ARSF: variants seen among roughly 807,000 people sequenced by gnomAD.
ARSF encodes arylsulfatase F.
In ARSF, 33 loss-of-function variants were observed where a neutral mutation model predicts 35.4. The observed-to-expected ratio is 0.93, with a 90% confidence interval of 0.71 to 1.25. The LOEUF is 1.25. ARSF is among the 50% of genes most tolerant of loss of function. ARSF has a pLI of 0.00. For missense variants in ARSF, 501 were observed against 480.2 expected, an observed-to-expected ratio of 1.04 and a Z score of -0.40; for synonymous variants, 222 against 193.1, an observed-to-expected ratio of 1.15 and a Z score of -1.24.
At chrX:3,068,907 C>T (rs73439680) in intron 2 of ARSF, among the ~76,000 whole-genome samples, 1 of 112,274 alleles carries the variant, frequency 8.9e-6, no homozygotes, top group Admixed American at 9.5e-5. Context: ...AAAAATTGTA[C>T]TCTTCTGTGG....
At chrX:3,107,137 A>G (rs1018829646) in intron 9 of ARSF, among the ~76,000 whole-genome samples, 17 of 112,200 alleles carry the variant, frequency 1.5e-4, no homozygotes, top group Admixed American at 1.4e-3. Flanking sequence ...AGTACAAACA[A>G]GACCGTCCCT....
In ARSF at chrX:3,059,463, C is replaced by T. The variant is rs190642351; in HGVS notation, c.-28-8610C>T. Among the ~76,000 whole-genome samples the T allele has an allele frequency of 2.7e-5, 3 of 112,322 alleles. No homozygotes were observed. The East Asian group carries it at 8.5e-4, about 32-fold the overall frequency. On this transcript the variant is annotated intron_variant, in intron 1 of 10. Coordinates refer to ENST00000381127, the MANE Select transcript of ARSF (RefSeq NM_001201539.2). ...CTGGTTGGACAGTGGGTGCAGCCCA[C>T]AGAGGGCAAGCCGAAACAGGGCAGG...
chrX:3,100,066 T>A (rs1487296357), intron 7 of ARSF, among the ~76,000 whole-genome samples: 2 of 111,922 alleles, frequency 1.8e-5, no homozygotes, highest in African/African-American at 3.2e-5. Context: ...AATTTAGCTA[T>A]TTTCCTATAA....
upstream of ARSF, among the ~76,000 whole-genome samples, chrX:3,040,288 C>T (rs747707973): frequency 9.0e-6 from 1 of 111,595 alleles, no homozygotes; most frequent in South Asian, 3.8e-4. Context: ...CTAAGTTACC[C>T]GCAGGGCCAT....
At chrX:3,084,138 G>A (rs1453829811) in intron 5 of ARSF, 105 bp from the exon 6 acceptor site, 1 of 934,100 alleles carries the variant, frequency 1.1e-6, no homozygotes, top group East Asian at 3.1e-5. Context: ...TTATTTTTGT[G>A]TATTAGCTGA....
At position 3,084,541 on chromosome X, in the gene ARSF, C is replaced by T. The variant is rs1206915034; in HGVS notation, c.705C>T (p.Ser235=). The part of the protein sequence containing the change: ...FIFLLGYAWF[S]SHTSPLYWDC... Reference sequence around the variant, plus strand: ...TCCTCTTGGGCTATGCTTGGTTCTCCAGCCACACGTCCCCTTTATACTGGG... The same window carrying T: ...TCCTCTTGGGCTATGCTTGGTTCTCTAGCCACACGTCCCCTTTATACTGGG... Residue 235 remains serine, a synonymous_variant, in exon 6 of 11, where the codon TCC becomes TCT. Transcript: ENST00000381127. 1 of 1,211,668 alleles carries T rather than the reference C, an allele frequency of 8.3e-7. No homozygotes were observed. The highest frequency in any genetic ancestry group is 1.1e-6 in the Non-Finnish European group (1 of 895,546).
chrX:3,058,797 G>A (rs1280979404), intron 1 of ARSF, among the ~76,000 whole-genome samples: 1 of 111,700 alleles, frequency 9.0e-6, no homozygotes, highest in African/African-American at 3.3e-5. Context: ...GGAGGCTGAG[G>A]CTGCAGCGAG....
intron 1 of ARSF, among the ~76,000 whole-genome samples, chrX:3,060,437 C>T (rs894092973): frequency 2.2e-4 from 25 of 111,783 alleles, no homozygotes; most frequent in Admixed American, 7.6e-4. Context: ...TCACGAGCAA[C>T]GGAAGAAAGC....
intron 1 of ARSF, among the ~76,000 whole-genome samples, chrX:3,062,480 C>G (rs749753348): frequency 1.8e-5 from 2 of 111,056 alleles, no homozygotes; most frequent in Admixed American, 1.9e-4. Context: ...GATAGAGACA[C>G]AAAAAACCCT....
intron 6 of ARSF, 69 bp from the exon 7 acceptor site, chrX:3,089,427 G>A: frequency 8.7e-7 from 1 of 1,147,352 alleles, no homozygotes; most frequent in Non-Finnish European, 1.2e-6. Context: ...TCTATGAGAA[G>A]CCAAAACAAT....
intron 1 of ARSF, among the ~76,000 whole-genome samples, chrX:3,043,240 CTTG>C (rs752023000): frequency 2.7e-5 from 3 of 111,779 alleles, no homozygotes; most frequent in East Asian, 2.8e-4. Context: ...GAGAAAGAAT[CTTG>C]TTGTTTAAGA....
In ARSF at chrX:3,068,572, G is replaced by A. The variant is rs73439674; in HGVS notation, c.11+461G>A. Among the ~76,000 whole-genome samples, 942 of 109,967 alleles carry A rather than the reference G, an allele frequency of 8.6e-3. 8 individuals are homozygous for A. The highest frequency in any genetic ancestry group is 0.029 in the African/African-American group (884 of 30,191). On this transcript the variant is annotated intron_variant, in intron 2 of 10. Coordinates refer to ENST00000381127, the MANE Select transcript of ARSF (RefSeq NM_001201539.2). Reference sequence around the variant, plus strand: ...GTAGCTGGGACCTCAGGTGCTTATCGCCACGCCCAGCTAATTTTTTATTTT... The same window carrying A: ...GTAGCTGGGACCTCAGGTGCTTATCACCACGCCCAGCTAATTTTTTATTTT...
chrX:3,090,964 G>A (rs1231803335), intron 7 of ARSF, among the ~76,000 whole-genome samples: 3 of 109,505 alleles, frequency 2.7e-5, no homozygotes, highest in African/African-American at 1.0e-4. Context: ...AGGCAGAAGT[G>A]CAATGACATG....
At chrX:3,083,413 C>T (rs769494237) in intron 5 of ARSF, among the ~76,000 whole-genome samples, 38 of 110,895 alleles carry the variant, frequency 3.4e-4, no homozygotes, top group African/African-American at 1.2e-3. Flanking sequence ...CCTACACACA[C>T]ATCTATACAT....
chrX:3,047,577 A>G (rs752927513), intron 1 of ARSF, among the ~76,000 whole-genome samples: 45 of 111,059 alleles, frequency 4.1e-4, no homozygotes, highest in Non-Finnish European at 6.8e-4. Flanking sequence ...TGATGAGTGT[A>G]TGGGACCCAG....
chrX:3,093,439 G>C (rs1018254980), intron 7 of ARSF, among the ~76,000 whole-genome samples: 5 of 110,861 alleles, frequency 4.5e-5, no homozygotes, highest in Admixed American at 9.6e-5. Flanking sequence ...GGAGTCCCCA[G>C]TGTCTATTGT....
intron 1 of ARSF, among the ~76,000 whole-genome samples, chrX:3,050,687 G>C (rs140154269): frequency 0.011 from 1,226 of 111,249 alleles, 20 homozygotes; most frequent in African/African-American, 0.037. Flanking sequence ...TGCTTCTGGA[G>C]TCTTGTGTCC....
chrX:3,079,997 G>A (rs2090187007), intron 4 of ARSF, among the ~76,000 whole-genome samples: 1 of 91,329 alleles, frequency 1.1e-5, no homozygotes, highest in African/African-American at 4.0e-5. Flanking sequence ...AAAAAAGAGA[G>A]AGAGAGAAAA....
At chrX:3,102,134 T>TA (rs2090380688) in intron 8 of ARSF, among the ~76,000 whole-genome samples, 1 of 111,274 alleles carries the variant, frequency 9.0e-6, no homozygotes, top group African/African-American at 3.3e-5. Flanking sequence ...ACATTCTATT[T>TA]TAAAAAAAAA....
Sources: gnomAD v4.1 joint callset for allele counts (sites outside exome capture counted in the v4.1 genomes callset) on GRCh38, gnomAD v4.1.1 for gene constraint, MANE v1.5 for transcripts, NCBI Gene and HGNC (gene_info 2026-07-23, HGNC 2026-07-21) for gene names.